Variants in EXOC6 observed in about 807,000 individuals in gnomAD.
EXOC6 encodes the protein exocyst complex component 6.
Under a neutral mutation model 112.5 loss-of-function variants are expected in EXOC6, and 60 were observed. That is an observed-to-expected ratio of 0.53 (90% CI 0.43 to 0.66). The LOEUF (loss-of-function observed/expected upper bound fraction) is 0.66. EXOC6 is among the 30% of genes least tolerant of loss of function. The pLI is 0.00. For missense variants in EXOC6, 855 were observed against 957.1 expected (o/e 0.89, Z 1.41); for synonymous variants, 295 against 308.0 (o/e 0.96, Z 0.44).
At chr10:92,883,388 A>G (rs1051474515) in intron 1 of EXOC6, among the ~76,000 whole-genome samples, 2 of 152,186 alleles carry the variant, frequency 1.3e-5, no homozygotes, top group East Asian at 3.8e-4. Context: ...AAAAGCTGGT[A>G]ATTATAACAT....
At chr10:92,961,494 G>A (rs1023337910) in intron 17 of EXOC6, among the ~76,000 whole-genome samples, 3 of 152,082 alleles carry the variant, frequency 2.0e-5, no homozygotes, top group Non-Finnish European at 2.9e-5. Context: ...AAAGCAGATT[G>A]GGTAACAAAT....
intron 18 of EXOC6, among the ~76,000 whole-genome samples, chr10:92,975,711 C>A (rs1377834012): frequency 1.6e-5 from 2 of 123,838 alleles, no homozygotes; most frequent in Admixed American, 7.6e-5. Flanking sequence ...AGCCCCTCTG[C>A]CCGGCCAGCC....
intron 20 of EXOC6, among the ~76,000 whole-genome samples, chr10:93,030,403 T>TA (rs1324476039): frequency 6.6e-6 from 1 of 152,200 alleles, no homozygotes; most frequent in Non-Finnish European, 1.5e-5. Context: ...TTTGAACTTC[T>TA]AAAAAAAGCA....
intron 20 of EXOC6, among the ~76,000 whole-genome samples, chr10:93,028,610 G>C (rs1438567072): frequency 2.6e-5 from 4 of 152,102 alleles, no homozygotes; most frequent in Admixed American, 2.6e-4. Flanking sequence ...CGAGGCAGGT[G>C]GATCACCTGA....
At chr10:92,989,154 G>A (rs893698767) in intron 18 of EXOC6, among the ~76,000 whole-genome samples, 7 of 152,018 alleles carry the variant, frequency 4.6e-5, no homozygotes, top group Admixed American at 2.6e-4. Flanking sequence ...TTGTATATTC[G>A]GTAATACTTA....
chr10:93,008,858 T>C (rs1172185834), intron 19 of EXOC6, among the ~76,000 whole-genome samples: 1 of 152,198 alleles, frequency 6.6e-6, no homozygotes, highest in Admixed American at 6.5e-5. Flanking sequence ...ATTACTTTTA[T>C]ATAAATACAC....
chr10:92,920,074 A>G (rs1373625083), intron 8 of EXOC6, 24 bp downstream of exon 8: 4 of 1,415,028 alleles, frequency 2.8e-6, no homozygotes, highest in Non-Finnish European at 3.9e-6. Flanking sequence ...ATATTTATGT[A>G]TATATAGCTT....
chr10:92,950,217 G>A (rs1853320082), intron 14 of EXOC6, among the ~76,000 whole-genome samples: 1 of 152,052 alleles, frequency 6.6e-6, no homozygotes, highest in South Asian at 2.1e-4. Context: ...TTTTGGTTGT[G>A]TGTGTATATT....
At chr10:92,859,138 T>C (rs1408356447) in intron 1 of EXOC6, among the ~76,000 whole-genome samples, 1 of 152,184 alleles carries the variant, frequency 6.6e-6, no homozygotes, top group Non-Finnish European at 1.5e-5. Context: ...TTTTTTGTTA[T>C]TATTGTTGAA....
chr10:92,893,227 A>G, intron 1 of EXOC6, 122 bp from the exon 2 acceptor site: 2 of 642,020 alleles, frequency 3.1e-6, no homozygotes, highest in Non-Finnish European at 5.1e-6. Context: ...ATTTCTGCTA[A>G]AGGTAATATT....
chr10:92,942,049 T>C (rs367617101), intron 13 of EXOC6, among the ~76,000 whole-genome samples: 2 of 152,314 alleles, frequency 1.3e-5, no homozygotes, highest in African/African-American at 2.4e-5. Flanking sequence ...TTAGCACTTA[T>C]CCCATCAACT....
intron 20 of EXOC6, among the ~76,000 whole-genome samples, chr10:93,028,379 G>A (rs549587126): frequency 1.2e-4 from 18 of 152,302 alleles, no homozygotes; most frequent in South Asian, 4.1e-4. Context: ...TGCAGAAGCC[G>A]TGGAAATAGC....
intron 20 of EXOC6, among the ~76,000 whole-genome samples, chr10:93,019,284 A>G (rs1371632834): frequency 6.6e-6 from 1 of 152,118 alleles, no homozygotes; most frequent in African/African-American, 2.4e-5. Flanking sequence ...TTGGCCCAAA[A>G]TGATTTTTTG....
chr10:92,997,706 G>A (rs1429643162), intron 19 of EXOC6, 91 bp downstream of exon 19: 3 of 1,152,324 alleles, frequency 2.6e-6, no homozygotes, highest in African/African-American at 3.2e-5. Context: ...AGTTCAGAAA[G>A]GAGGGAGAAG....
intron 1 of EXOC6, among the ~76,000 whole-genome samples, chr10:92,829,555 C>T (rs960288146): frequency 6.6e-6 from 1 of 152,190 alleles, no homozygotes; most frequent in African/African-American, 2.4e-5. Flanking sequence ...CCCAGTTTCC[C>T]AGATATGTTT....
chr10:92,838,022 G>A (rs1020807434), intron 1 of EXOC6, among the ~76,000 whole-genome samples: 1 of 152,192 alleles, frequency 6.6e-6, no homozygotes, highest in African/African-American at 2.4e-5. Flanking sequence ...TGGCCTATTT[G>A]AGGTCAGAGT....
chr10:92,913,458 T>G (rs577191000), intron 6 of EXOC6, among the ~76,000 whole-genome samples: 1 of 152,246 alleles, frequency 6.6e-6, no homozygotes, highest in African/African-American at 2.4e-5. Context: ...TCCAAGTTCC[T>G]CAGTCTCATC....
intron 1 of EXOC6, among the ~76,000 whole-genome samples, chr10:92,862,039 G>T (rs1847935307): frequency 6.6e-6 from 1 of 152,126 alleles, no homozygotes; most frequent in Non-Finnish European, 1.5e-5. Flanking sequence ...GTGTATTTCA[G>T]TGACATTTAG....
intron 8 of EXOC6, among the ~76,000 whole-genome samples, chr10:92,922,103 G>A (rs1376222123): frequency 6.6e-6 from 1 of 151,826 alleles, no homozygotes. Flanking sequence ...CTGCCACCAC[G>A]CCTGACTAAT....
Sources: allele counts gnomAD v4.1 joint callset (sites outside exome capture counted in the v4.1 genomes callset), GRCh38; gene constraint gnomAD v4.1.1; transcripts MANE v1.5; gene names NCBI Gene and HGNC (gene_info 2026-07-23, HGNC 2026-07-21).